SEC22C: variants seen among roughly 807,000 people sequenced by gnomAD.
SEC22C encodes the protein SEC22 homolog C, vesicle trafficking protein.
SEC22C carries 29 observed loss-of-function variants against 34.7 expected under a neutral mutation model. The observed-to-expected ratio is 0.84, with a 90% CI of 0.62 to 1.14. The LOEUF (loss-of-function observed/expected upper bound fraction) is 1.14. SEC22C is among the 50% of genes most tolerant of loss of function. The probability of loss-of-function intolerance (pLI) is 0.00; values close to 1 mark genes in which losing one functional copy is unlikely to be tolerated. For synonymous variants in SEC22C, 117 were observed against 132.8 expected (o/e 0.88, Z 0.82); for missense variants, 337 against 369.0 (o/e 0.91, Z 0.71).
chr3:42,579,318 C>G (rs1704163567), intron 1 of SEC22C, among the ~76,000 whole-genome samples: 1 of 149,706 alleles, frequency 6.7e-6, no homozygotes. Flanking sequence ...ACTAGGAAAG[C>G]AGGCTGAGCA....
intron 1 of SEC22C, chr3:42,600,869 C>G: frequency 1.7e-6 from 1 of 604,566 alleles, no homozygotes; most frequent in Non-Finnish European, 2.6e-6. Context: ...TGCGCTGTCG[C>G]GACGGGCCGG....
chr3:42,557,089 A>G (rs2125698345), intron 5 of SEC22C, among the ~76,000 whole-genome samples: 1 of 152,364 alleles, frequency 6.6e-6, no homozygotes, highest in South Asian at 2.1e-4. Flanking sequence ...AAAGCACTGA[A>G]ATAGTAAGTT....
At chr3:42,599,893 T>C (rs1296584029) in intron 1 of SEC22C, among the ~76,000 whole-genome samples, 2 of 152,208 alleles carry the variant, frequency 1.3e-5, no homozygotes, top group Non-Finnish European at 2.9e-5. Flanking sequence ...AGAGATTTCC[T>C]AGCACAGGAA....
intron 1 of SEC22C, among the ~76,000 whole-genome samples, chr3:42,593,048 T>C (rs567018146): frequency 6.6e-6 from 1 of 152,324 alleles, no homozygotes; most frequent in African/African-American, 2.4e-5. Context: ...AAAAATACAG[T>C]ATAACAACTA....
At chr3:42,589,463 C>A (rs535250756) in intron 1 of SEC22C, among the ~76,000 whole-genome samples, 1 of 152,112 alleles carries the variant, frequency 6.6e-6, no homozygotes, top group African/African-American at 2.4e-5. Context: ...ATGAAGTGGC[C>A]GCTGCTCACT....
At chr3:42,587,382 C>T (rs1419127273) in intron 1 of SEC22C, 1 of 152,194 alleles carries the variant, frequency 6.6e-6, no homozygotes, top group Non-Finnish European at 1.5e-5. Context: ...ACACCTGCCT[C>T]ACCCTAACAC....
At chr3:42,598,840 G>A (rs562047774) in intron 1 of SEC22C, among the ~76,000 whole-genome samples, 1 of 150,942 alleles carries the variant, frequency 6.6e-6, no homozygotes, top group African/African-American at 2.4e-5. Flanking sequence ...GTACAACCGT[G>A]TGAAATACAG....
At position 42,549,722 on chromosome 3, in the gene SEC22C, G is replaced by A. The variant is rs1702155051; in HGVS notation, c.*3526C>T. 7.1e-6 allele frequency: 7 copies of A among 985,372 alleles called. No individual in the cohort carries two copies. Among genetic ancestry groups the A allele is most frequent in the Non-Finnish European group, 8.4e-6 (7 of 829,976 alleles). 61.0% of individuals were successfully genotyped at this position (985,372 alleles called of 1,614,324 possible). A position where few individuals can be genotyped will look rare whatever the true frequency, so the allele number is the denominator to read the frequency against. ...ACTCCAGTTTCAGACTCTGTCTCCA[G>A]AGCTGGAATGTATAGGGCAGAGGTA... On this transcript the variant is annotated 3_prime_UTR_variant, in exon 7 of 7. Transcript: ENST00000264454.
At position 42,548,421 on chromosome 3, in the gene SEC22C, G is replaced by A. The variant is rs1410456395; in HGVS notation, c.*4827C>T. On this transcript the variant is annotated 3_prime_UTR_variant, in exon 7 of 7. Coordinates refer to ENST00000264454, the MANE Select transcript of SEC22C (RefSeq NM_032970.4). The stretch of plus-strand genomic sequence containing the variant: ...TTGTTAATTTTACCCTAAATAAAAG[G>A]CGCTTGTGGGCAACAGCTCTGCCAT... The A allele has an allele frequency of 1.8e-5, 11 of 622,244 alleles. No homozygotes were observed. Among genetic ancestry groups the A allele is most frequent in the Non-Finnish European group, 2.3e-5 (8 of 350,486 alleles). 38.5% of individuals were successfully genotyped at this position (622,244 alleles called of 1,614,324 possible).
intron 1 of SEC22C, chr3:42,595,015 A>C (rs1478307367): frequency 1.3e-5 from 2 of 152,426 alleles, no homozygotes; most frequent in African/African-American, 4.8e-5. Flanking sequence ...GAGGTATAGA[A>C]GTTTTCATGT....
chr3:42,600,686 G>A (rs1577388451), intron 1 of SEC22C: 1 of 219,958 alleles, frequency 4.5e-6, no homozygotes, highest in East Asian at 9.8e-5. Context: ...TGGGGGAGGA[G>A]ACGGCGTTCC....
chr3:42,590,914 T>A, intron 1 of SEC22C: 1 of 1,509,604 alleles, frequency 6.6e-7, no homozygotes, highest in Non-Finnish European at 8.9e-7. Context: ...GTGGCCTTCG[T>A]ACCGGACTGG....
chr3:42,597,673 C>A (rs1187513761), intron 1 of SEC22C, among the ~76,000 whole-genome samples: 2 of 152,036 alleles, frequency 1.3e-5, no homozygotes, highest in African/African-American at 4.8e-5. Flanking sequence ...TTGGGTGCAG[C>A]CCAACACAAA....
At chr3:42,555,673 T>C (rs184415869) in intron 6 of SEC22C, among the ~76,000 whole-genome samples, 6 of 152,332 alleles carry the variant, frequency 3.9e-5, no homozygotes, top group African/African-American at 9.6e-5. Flanking sequence ...TGCTGGTTTC[T>C]GTTCTGCTGC....
Position 42,549,193 on chromosome 3 carries a change from C to A in SEC22C, c.*4055G>T. ...CCCCAGACCTGTGCAATATTCTACACGAAAACATTTGGAATGTGAGCAATG... is the reference window on the plus strand; with the variant it reads ...CCCCAGACCTGTGCAATATTCTACAAGAAAACATTTGGAATGTGAGCAATG... On this transcript the variant is annotated 3_prime_UTR_variant, in exon 7 of 7. Transcript: ENST00000264454. The A allele has an allele frequency of 3.0e-6, 3 of 986,856 alleles. No individual in the cohort carries two copies. The highest frequency in any genetic ancestry group is 3.6e-6 in the Non-Finnish European group (3 of 830,772). The allele number at this position is 986,856 out of a possible 1,614,324, so 61.1% of individuals were successfully genotyped here.
In SEC22C at chr3:42,550,072, CATATTAGGGA is replaced by C; in HGVS notation, c.*3166_*3175del. 1.0e-6 allele frequency: 1 copy of C among 985,456 alleles called. No homozygotes were observed. Among genetic ancestry groups the C allele is most frequent in the Middle Eastern group, 5.2e-4 (1 of 1,914 alleles). The allele number at this position is 985,456 out of a possible 1,614,324, so 61.0% of individuals were successfully genotyped here. On this transcript the variant is annotated 3_prime_UTR_variant, in exon 7 of 7. Coordinates refer to ENST00000264454, the MANE Select transcript of SEC22C (RefSeq NM_032970.4). ...CAGATTTACATGTTTCGTTCATTAG[CATATTAGGGA>C]AGGGGAAACCTTTTGGGCTCTGGCC...
At chr3:42,565,820 T>C (rs1203054693) in intron 2 of SEC22C, 1 of 444,934 alleles carries the variant, frequency 2.2e-6, no homozygotes, top group East Asian at 7.1e-5. Flanking sequence ...TTTGTGGTCA[T>C]TTGTTATGGC....
chr3:42,556,939 T>C (rs1383657277), intron 5 of SEC22C, among the ~76,000 whole-genome samples: 1 of 152,138 alleles, frequency 6.6e-6, no homozygotes, highest in African/African-American at 2.4e-5. Flanking sequence ...ATCAGGCTGG[T>C]CTCAAACTCC....
At chr3:42,574,668 T>C (rs1451740210) in intron 1 of SEC22C, among the ~76,000 whole-genome samples, 1 of 151,966 alleles carries the variant, frequency 6.6e-6, no homozygotes, top group Admixed American at 6.6e-5. Context: ...TTCAAAGACA[T>C]AAAAGGAGGT....
Sources: allele counts gnomAD v4.1 joint callset (sites outside exome capture counted in the v4.1 genomes callset), GRCh38; gene constraint gnomAD v4.1.1; transcripts MANE v1.5; gene names NCBI Gene and HGNC (gene_info 2026-07-23, HGNC 2026-07-21).